Variants in SGCD observed in about 807,000 individuals in gnomAD.
The protein encoded by SGCD is sarcoglycan delta.
In SGCD, 18 loss-of-function variants were observed where a neutral mutation model predicts 36.6. The observed-to-expected ratio is 0.49, with a 90% CI of 0.34 to 0.73. The LOEUF (loss-of-function observed/expected upper bound fraction) is 0.73. SGCD is among the 30% of genes least tolerant of loss of function. SGCD has a pLI of 0.01. For synonymous variants in SGCD, 133 were observed against 130.6 expected, an observed-to-expected ratio of 1.02 and a Z score of -0.12; for missense variants, 387 against 346.7, an observed-to-expected ratio of 1.12 and a Z score of -0.92.
chr5:156,074,320 A>G (rs1316609885), intron 1 of SGCD, among the ~76,000 whole-genome samples: 2 of 152,192 alleles, frequency 1.3e-5, no homozygotes, highest in African/African-American at 4.8e-5. Flanking sequence ...GCTGATCATA[A>G]TCCCAAAAGA....
intron 1 of SGCD, among the ~76,000 whole-genome samples, chr5:156,102,504 A>G (rs1213134037): frequency 6.6e-6 from 1 of 152,164 alleles, no homozygotes; most frequent in Non-Finnish European, 1.5e-5. Context: ...TCTGTCGTCC[A>G]AATGTCTTTC....
intron 3 of SGCD, among the ~76,000 whole-genome samples, chr5:156,491,435 A>G (rs1389858212): frequency 6.6e-6 from 1 of 152,180 alleles, no homozygotes; most frequent in East Asian, 1.9e-4. Flanking sequence ...TTGATCTCAA[A>G]ATGTACTACA....
intron 4 of SGCD, among the ~76,000 whole-genome samples, chr5:156,551,083 C>T (rs933454177): frequency 4.6e-5 from 7 of 152,162 alleles, no homozygotes; most frequent in Non-Finnish European, 1.0e-4. Flanking sequence ...GCCACACTCG[C>T]CCTGTCAGCT....
At chr5:155,766,290 G>A in the SGCD span, among the ~76,000 whole-genome samples, 5 of 152,258 alleles carry the variant, frequency 3.3e-5, 1 homozygote, top group African/African-American at 1.2e-4. Context: ...AGCTCACACA[G>A]CGGCTACCTA....
chr5:155,923,826 AT>A (rs1384656564), intron 1 of SGCD, among the ~76,000 whole-genome samples: 1 of 152,118 alleles, frequency 6.6e-6, no homozygotes, highest in African/African-American at 2.4e-5. Context: ...ACAAACAATT[AT>A]TTTTTTCACG....
At chr5:155,857,447 G>C in the SGCD span, among the ~76,000 whole-genome samples, 1 of 152,106 alleles carries the variant, frequency 6.6e-6, no homozygotes, top group Non-Finnish European at 1.5e-5. Flanking sequence ...GAAATACTAA[G>C]CAGCAATGAA....
chr5:155,847,322 C>T, the SGCD span, among the ~76,000 whole-genome samples: 136 of 152,342 alleles, frequency 8.9e-4, no homozygotes, highest in Middle Eastern at 6.8e-3. Context: ...AGCAGCAGAA[C>T]TCAAAATCAC....
chr5:156,267,201 A>C (rs1766024121), intron 3 of SGCD, among the ~76,000 whole-genome samples: 2 of 152,202 alleles, frequency 1.3e-5, no homozygotes, highest in African/African-American at 4.8e-5. Flanking sequence ...TAATCACTTA[A>C]TAAGCGATAG....
At chr5:155,856,846 C>A in the SGCD span, among the ~76,000 whole-genome samples, 1 of 152,164 alleles carries the variant, frequency 6.6e-6, no homozygotes, top group Admixed American at 6.5e-5. Context: ...AGAACCATAA[C>A]AATTATCGGA....
chr5:156,294,696 G>A (rs1766850326), intron 3 of SGCD, among the ~76,000 whole-genome samples: 1 of 152,102 alleles, frequency 6.6e-6, no homozygotes, highest in Non-Finnish European at 1.5e-5. Flanking sequence ...ATGAAAAGGT[G>A]TTGAATTTTG....
intron 1 of SGCD, among the ~76,000 whole-genome samples, chr5:156,034,996 T>A (rs1759452564): frequency 6.6e-6 from 1 of 152,328 alleles, no homozygotes; most frequent in Admixed American, 6.5e-5. Context: ...TTTTTGGCAA[T>A]TTTTATAATA....
At chr5:156,218,807 G>A (rs369051963) in intron 3 of SGCD, among the ~76,000 whole-genome samples, 1 of 152,188 alleles carries the variant, frequency 6.6e-6, no homozygotes. Context: ...TAGTGCATTA[G>A]CTTATTTTTA....
chr5:156,108,050 G>A (rs527799700), intron 1 of SGCD, among the ~76,000 whole-genome samples: 1 of 152,178 alleles, frequency 6.6e-6, no homozygotes, highest in South Asian at 2.1e-4. Context: ...AAGGAATGAA[G>A]TACATTGTCT....
intron 4 of SGCD, among the ~76,000 whole-genome samples, chr5:156,521,239 C>T (rs1167581481): frequency 6.6e-6 from 1 of 152,104 alleles, no homozygotes; most frequent in African/African-American, 2.4e-5. Flanking sequence ...AAACCCCAAA[C>T]CACAAAAACT....
At chr5:156,186,145 C>A (rs528082262) in intron 3 of SGCD, among the ~76,000 whole-genome samples, 1 of 151,162 alleles carries the variant, frequency 6.6e-6, no homozygotes, top group Non-Finnish European at 1.5e-5. Flanking sequence ...TTACAAAAAC[C>A]TGTTGAACCC....
At chr5:156,339,900 A>G (rs1768557643) in intron 2 of SGCD, among the ~76,000 whole-genome samples, 1 of 152,190 alleles carries the variant, frequency 6.6e-6, no homozygotes, top group Non-Finnish European at 1.5e-5. Flanking sequence ...CATTTTCTGT[A>G]CTTTCTGGTT....
intron 2 of SGCD, among the ~76,000 whole-genome samples, chr5:156,340,891 A>G (rs1768615035): frequency 6.6e-6 from 1 of 152,222 alleles, no homozygotes; most frequent in East Asian, 1.9e-4. Flanking sequence ...CAGCATATCT[A>G]AATTTCCCTT....
chr5:155,973,712 GC>G (rs1758050722), intron 1 of SGCD, among the ~76,000 whole-genome samples: 1 of 152,126 alleles, frequency 6.6e-6, no homozygotes, highest in South Asian at 2.1e-4. Context: ...TACACACCTG[GC>G]TTTGAATTCT....
chr5:156,005,894 G>A (rs1184884866), intron 1 of SGCD, among the ~76,000 whole-genome samples: 1 of 152,220 alleles, frequency 6.6e-6, no homozygotes. Context: ...TGATCCGATG[G>A]CACAAGCAGT....
Sources: gnomAD v4.1 joint callset for allele counts (sites outside exome capture counted in the v4.1 genomes callset) on GRCh38, gnomAD v4.1.1 for gene constraint, MANE v1.5 for transcripts, NCBI Gene and HGNC (gene_info 2026-07-23, HGNC 2026-07-21) for gene names.